Variants in MECR observed in about 807,000 individuals in gnomAD.
The protein encoded by MECR is enoyl-[acyl-carrier-protein] reductase, mitochondrial.
MECR carries 37 observed loss-of-function variants against 49.1 expected under a neutral mutation model. The ratio of observed to expected loss-of-function variants is 0.75; its 90% confidence interval spans 0.58 to 0.99. MECR has a LOEUF of 0.99. MECR is among the 50% of genes least tolerant of loss of function. MECR has a pLI of 0.00. For synonymous variants in MECR, 198 were observed against 191.1 expected, an observed-to-expected ratio of 1.04 and a Z score of -0.30; for missense variants, 470 against 479.6, an observed-to-expected ratio of 0.98 and a Z score of 0.19.
the MECR span, chr1:29,170,856 T>C: frequency 1.3e-5 from 2 of 152,272 alleles, no homozygotes; most frequent in East Asian, 3.9e-4. Context: ...GAAGGTCCCC[T>C]TTCTGGCATA....
chr1:29,180,657 T>A, the MECR span, among the ~76,000 whole-genome samples: 2 of 152,212 alleles, frequency 1.3e-5, no homozygotes, highest in East Asian at 3.8e-4. Flanking sequence ...TGCCCTAAAA[T>A]GTCACCCCAG....
downstream of MECR, among the ~76,000 whole-genome samples, chr1:29,190,350 C>G (rs1397027762): frequency 6.7e-6 from 1 of 149,902 alleles, no homozygotes; most frequent in Non-Finnish European, 1.5e-5. Context: ...GACTCCGTCT[C>G]AAAAAAACAA....
At chr1:29,208,117 C>T (rs747754120) in intron 3 of MECR, among the ~76,000 whole-genome samples, 13 of 152,048 alleles carry the variant, frequency 8.5e-5, no homozygotes, top group East Asian at 1.9e-4. Flanking sequence ...CTCAGCCTCC[C>T]GAATAGCTGG....
At chr1:29,210,889 T>A (rs1027707865) in intron 3 of MECR, among the ~76,000 whole-genome samples, 1 of 152,234 alleles carries the variant, frequency 6.6e-6, no homozygotes, top group Non-Finnish European at 1.5e-5. Flanking sequence ...AGACTATCAC[T>A]ATGCCTAGTA....
At chr1:29,191,203 T>C (rs1189629001), downstream of MECR, among the ~76,000 whole-genome samples, 1 of 152,220 alleles carries the variant, frequency 6.6e-6, no homozygotes, top group African/African-American at 2.4e-5. Flanking sequence ...CAAACATTCC[T>C]GTATGCCTGC....
At chr1:29,177,893 ATTTTT>A in the MECR span, among the ~76,000 whole-genome samples, 5 of 93,622 alleles carry the variant, frequency 5.3e-5, no homozygotes, top group Admixed American at 2.4e-4. Flanking sequence ...ATTACACAAG[ATTTTT>A]TTTTTTTTTT....
At chr1:29,203,350 G>A (rs915608657) in intron 4 of MECR, 117 bp from the exon 5 acceptor site, 1 of 694,132 alleles carries the variant, frequency 1.4e-6, no homozygotes, top group African/African-American at 1.8e-5. Context: ...CAGGGACCCA[G>A]GACCTGGCTG....
chr1:29,208,235 G>A (rs1014992976), intron 3 of MECR, among the ~76,000 whole-genome samples: 1 of 152,172 alleles, frequency 6.6e-6, no homozygotes, highest in African/African-American at 2.4e-5. Flanking sequence ...CAGCTGATCC[G>A]CCCGCCTCGG....
At chr1:29,207,053 G>A (rs763146938) in intron 3 of MECR, 148 bp from the exon 4 acceptor site, 1 of 799,518 alleles carries the variant, frequency 1.3e-6, no homozygotes, top group Non-Finnish European at 2.0e-6. Flanking sequence ...TTTAGAAAAA[G>A]AAGAAAATCT....
chr1:29,172,180 T>C, the MECR span: 1 of 152,242 alleles, frequency 6.6e-6, no homozygotes, highest in Non-Finnish European at 1.5e-5. Flanking sequence ...GTAATAGTTA[T>C]ATTACTAATA....
chr1:29,226,238 G>A (rs539118994), intron 1 of MECR, among the ~76,000 whole-genome samples: 1 of 144,900 alleles, frequency 6.9e-6, no homozygotes, highest in East Asian at 2.1e-4. Context: ...CTCCAGCTTA[G>A]TTTCATTGTT....
chr1:29,178,163 G>A, the MECR span, among the ~76,000 whole-genome samples: 1 of 151,940 alleles, frequency 6.6e-6, no homozygotes, highest in East Asian at 1.9e-4. Flanking sequence ...GCCTCCCAAG[G>A]TGATGGGATT....
chr1:29,206,812 T>C lies in MECR; in HGVS notation c.500A>G (p.Asn167Ser), dbSNP rs781255539. The C allele has an allele frequency of 5.5e-5, 89 of 1,614,154 alleles. 3 individuals carry two copies. In the South Asian group the frequency reaches 7.2e-4, roughly 13 times the overall value. ...CAACATCCTGTAGGCTGTGCAGGGA[T>C]TGACACCCAGGGTGGCAGCGCTCTG... ...PLQSAATLGV[N>S]PCTAYRMLMD... The change falls in exon 4 of 10, where the codon AAT becomes AGT. Residue 167 changes from asparagine (N) to serine (S), a missense_variant. Asn to Ser is a conservative substitution (Grantham distance 46). Transcript: ENST00000263702.
chr1:29,185,571 ACGCC>A, the MECR span, among the ~76,000 whole-genome samples: 2 of 152,148 alleles, frequency 1.3e-5, no homozygotes, highest in East Asian at 3.9e-4. Flanking sequence ...ATGTGCCACC[ACGCC>A]CAGCTAATTT....
intron 1 of MECR, among the ~76,000 whole-genome samples, chr1:29,225,548 C>T (rs1465458042): frequency 6.6e-6 from 1 of 152,070 alleles, no homozygotes; most frequent in African/African-American, 2.4e-5. Flanking sequence ...CTGAGGGCAA[C>T]GACCACAACA....
intron 7 of MECR, among the ~76,000 whole-genome samples, chr1:29,198,040 C>T (rs1674422116): frequency 6.6e-6 from 1 of 152,138 alleles, no homozygotes. Context: ...TGGGATGAAA[C>T]TGTTCCGCCT....
intron 3 of MECR, among the ~76,000 whole-genome samples, chr1:29,208,046 G>T (rs773384632): frequency 3.3e-5 from 5 of 152,006 alleles, no homozygotes; most frequent in African/African-American, 4.8e-5. Context: ...AGGCTGGAGT[G>T]CAATGGCATG....
intron 1 of MECR, among the ~76,000 whole-genome samples, chr1:29,219,704 A>T (rs1004216082): frequency 6.6e-6 from 1 of 152,226 alleles, no homozygotes; most frequent in East Asian, 1.9e-4. Flanking sequence ...TACATACCCA[A>T]TGGGGGCTGT....
Position 29,193,677 on chromosome 1 carries a change from C to T in MECR, c.*345G>A. ...CCTACTGGCCTTTGCACTGCCAGTA[C>T]CCACCCAGGCTTTGCTTTCAGGGTG... On this transcript the variant is annotated 3_prime_UTR_variant, in exon 10 of 10. Transcript: ENST00000263702. The T allele has an allele frequency of 4.1e-6, 1 of 244,932 alleles. No homozygotes were observed. The highest frequency in any genetic ancestry group is 8.0e-6 in the Non-Finnish European group (1 of 124,460). The allele number at this position is 244,932 out of a possible 1,614,324, so 15.2% of individuals were successfully genotyped here. A position where few individuals can be genotyped will look rare whatever the true frequency, so the allele number is the denominator to read the frequency against.
Sources: gnomAD v4.1 joint callset for allele counts (sites outside exome capture counted in the v4.1 genomes callset) on GRCh38, gnomAD v4.1.1 for gene constraint, MANE v1.5 for transcripts, NCBI Gene and HGNC (gene_info 2026-07-23, HGNC 2026-07-21) for gene names.